The following DDX6 variants were observed in gnomAD, a reference collection of about 807,000 sequenced individuals.
The protein encoded by DDX6 is DEAD-box helicase 6, also known as probable ATP-dependent RNA helicase DDX6.
Under a neutral mutation model 60.6 loss-of-function variants are expected in DDX6, and 7 were observed. The ratio of observed to expected loss-of-function variants is 0.12; its 90% CI spans 0.07 to 0.22. DDX6 has a LOEUF of 0.22. Among genes scored for constraint, DDX6 ranks in the 10% least tolerant of loss-of-function variants. The pLI, the probability that DDX6 is intolerant of heterozygous loss-of-function variation, is 1.00. For missense variants in DDX6, 270 were observed against 589.9 expected, an observed-to-expected ratio of 0.46 and a Z score of 5.62; for synonymous variants, 207 against 201.0, an observed-to-expected ratio of 1.03 and a Z score of -0.25.
rs564033478 is a variant in DDX6 at position 118,751,988 on chromosome 11, T to G, written c.*117A>C. The stretch of plus-strand genomic sequence containing the variant: ...AAAAAAGAAAATGTCTGAGCTCTTT[T>G]AAGTCTTCATAGTTCCAAAATAAAA... On this transcript the variant is annotated 3_prime_UTR_variant, in exon 14 of 14. Coordinates refer to ENST00000534980, the MANE Select transcript of DDX6 (RefSeq NM_004397.6). 48 of 352,158 alleles carry G rather than the reference T, an allele frequency of 1.4e-4. No individual in the cohort carries two copies. Among genetic ancestry groups the G allele is most frequent in the Non-Finnish European group, 2.5e-4 (45 of 182,068 alleles). The allele number at this position is 352,158 out of a possible 1,614,324, so 21.8% of individuals were successfully genotyped here.
At chr11:118,761,875 A>AAAC (rs1555160274) in intron 7 of DDX6, among the ~76,000 whole-genome samples, 1 of 151,668 alleles carries the variant, frequency 6.6e-6, no homozygotes, top group East Asian at 1.9e-4. Context: ...AAAAAAAAAA[A>AAAC]AAACAAACCA....
chr11:118,786,953 CGA>C (rs1470330095), intron 1 of DDX6: 1 of 152,086 alleles, frequency 6.6e-6, no homozygotes, highest in Non-Finnish European at 1.5e-5. Context: ...TAATAGCAAC[CGA>C]GAGTCCTTAT....
chr11:118,763,136 T>C, intron 7 of DDX6, 76 bp downstream of exon 7: 2 of 926,166 alleles, frequency 2.2e-6, no homozygotes, highest in East Asian at 2.7e-5. Flanking sequence ...AAGCAGCTTT[T>C]GCTTCATTCA....
Position 118,758,764 on chromosome 11 carries a change from T to C in DDX6, c.993+10A>G. ...GAGATAATATTCAACAGCAGAAGCC[T>C]ACTTCTTACCCTGGAGAAAAGTGTG... On this transcript the variant is annotated intron_variant, in intron 9 of 13. Transcript: ENST00000534980. 1 of 1,612,992 alleles carries C rather than the reference T, an allele frequency of 6.2e-7. No individual in the cohort carries two copies.
chr11:118,782,636 T>C (rs1256215702), intron 2 of DDX6, among the ~76,000 whole-genome samples: 3 of 100,742 alleles, frequency 3.0e-5, no homozygotes, highest in East Asian at 3.0e-4. Context: ...ACTACTACTG[T>C]ACTAAAGCCT....
intron 5 of DDX6, among the ~76,000 whole-genome samples, chr11:118,765,750 G>C (rs1555161178): frequency 6.6e-6 from 1 of 150,944 alleles, no homozygotes; most frequent in East Asian, 2.0e-4. Context: ...CTCCAGCCTG[G>C]GCGACAGAGT....
chr11:118,765,635 C>A (rs11217019), intron 5 of DDX6, among the ~76,000 whole-genome samples: 25,997 of 151,834 alleles, frequency 0.17, 2,471 homozygotes, highest in South Asian at 0.29. Context: ...ATTATCCAGG[C>A]GTGGTGGCAC....
At chr11:118,756,157 T>C in intron 11 of DDX6, 103 bp downstream of exon 11, 1 of 790,140 alleles carries the variant, frequency 1.3e-6, no homozygotes, top group Admixed American at 2.2e-5. Context: ...AGTGGTAGGG[T>C]GTGTCGGACT....
chr11:118,788,908 T>C (rs1862170817), intron 1 of DDX6: 1 of 152,060 alleles, frequency 6.6e-6, no homozygotes, highest in Admixed American at 6.6e-5. Context: ...CTTGGACTCC[T>C]AACCTCAAAT....
At chr11:118,755,972 C>T (rs189362363) in intron 11 of DDX6, among the ~76,000 whole-genome samples, 22 of 150,084 alleles carry the variant, frequency 1.5e-4, no homozygotes, top group Non-Finnish European at 2.8e-4. Flanking sequence ...GAGCCAAGAT[C>T]GCACCACTGC....
chr11:118,768,598 G>C (rs797030667), intron 4 of DDX6, among the ~76,000 whole-genome samples: 2 of 152,244 alleles, frequency 1.3e-5, no homozygotes, highest in African/African-American at 4.8e-5. Context: ...AATGTCATAA[G>C]AACTGTGTTA....
At chr11:118,765,089 C>G (rs1016571449) in intron 6 of DDX6, 120 bp downstream of exon 6, 5 of 1,195,148 alleles carry the variant, frequency 4.2e-6, no homozygotes, top group Non-Finnish European at 5.9e-6. Context: ...GTGGTCATTT[C>G]CTTTTCTTAC....
rs1591900074 is a variant in DDX6, at chr11:118,765,459, C to T, written c.500-104G>A. On this transcript the variant is annotated intron_variant, in intron 5 of 13. Coordinates refer to ENST00000534980, the MANE Select transcript of DDX6 (RefSeq NM_004397.6). ...TTAAGAAGCTATAGAAATACTGCGC[C>T]TTATGATGCAGTGGCTCACACCTGT... The T allele has an allele frequency of 1.1e-5, 13 of 1,222,744 alleles. No individual in the cohort carries two copies. The East Asian group carries it at 3.0e-4, about 29-fold the overall frequency. The allele number at this position is 1,222,744 out of a possible 1,614,324, so 75.7% of individuals were successfully genotyped here. A position where few individuals can be genotyped will look rare whatever the true frequency, so the allele number is the denominator to read the frequency against.
At chr11:118,767,364 AAAAGATAATTACAGATCACG>A (rs1168257998) in intron 5 of DDX6, among the ~76,000 whole-genome samples, 2 of 152,238 alleles carry the variant, frequency 1.3e-5, no homozygotes, top group Non-Finnish European at 2.9e-5. Flanking sequence ...AAGTGGGAAG[AAAAGATAATTACAGATCACG>A]AAAGCTAAAA....
chr11:118,767,017 G>C (rs558718792), intron 5 of DDX6, among the ~76,000 whole-genome samples: 3 of 152,112 alleles, frequency 2.0e-5, no homozygotes, highest in Non-Finnish European at 4.4e-5. Context: ...TCCTTGAGTA[G>C]CTGGGACTAC....
chr11:118,757,731 C>G (rs1398860575), intron 9 of DDX6, among the ~76,000 whole-genome samples: 1 of 152,070 alleles, frequency 6.6e-6, no homozygotes, highest in Non-Finnish European at 1.5e-5. Context: ...GCTGGGATTA[C>G]AGGCACCCAC....
At chr11:118,754,357 T>C (rs1035378621) in intron 13 of DDX6, among the ~76,000 whole-genome samples, 2 of 152,224 alleles carry the variant, frequency 1.3e-5, no homozygotes, top group African/African-American at 2.4e-5. Flanking sequence ...CAGTGAGCTA[T>C]GATTGCACCA....
intron 7 of DDX6, among the ~76,000 whole-genome samples, chr11:118,762,284 A>ATAAT (rs567961329): frequency 6.7e-6 from 1 of 149,398 alleles, no homozygotes. Context: ...AAAAAAAAAA[A>ATAAT]AATAATAATA....
chr11:118,790,459 G>A (rs1862233684), intron 1 of DDX6: 1 of 151,932 alleles, frequency 6.6e-6, no homozygotes, highest in African/African-American at 2.4e-5. Flanking sequence ...TCTTGTTATT[G>A]ACCCGCAAGG....
Sources: allele counts gnomAD v4.1 joint callset (sites outside exome capture counted in the v4.1 genomes callset), GRCh38; gene constraint gnomAD v4.1.1; transcripts MANE v1.5; gene names NCBI Gene and HGNC (gene_info 2026-07-23, HGNC 2026-07-21).